DARS2: variants seen among roughly 807,000 people sequenced by gnomAD.
The protein encoded by DARS2 is aspartate--tRNA ligase, mitochondrial.
DARS2 carries 63 observed loss-of-function variants against 83.0 expected under a neutral mutation model. The observed-to-expected ratio is 0.76, with a 90% CI of 0.62 to 0.94. The LOEUF (loss-of-function observed/expected upper bound fraction) is 0.94, where lower values mean the gene tolerates loss of function less well. Among genes scored for constraint, DARS2 ranks in the 40% least tolerant of loss-of-function variants. DARS2 has a pLI of 0.00. For missense variants in DARS2, 675 were observed against 774.4 expected, an observed-to-expected ratio of 0.87 and a Z score of 1.52; for synonymous variants, 250 against 269.3, an observed-to-expected ratio of 0.93 and a Z score of 0.70.
chr1:173,828,309 CTT>C (rs143246542), intron 2 of DARS2, 22 bp from the exon 3 acceptor site: 12 of 1,501,036 alleles, frequency 8.0e-6, no homozygotes, highest in Non-Finnish European at 8.2e-6. Context: ...TAAAATGTTT[CTT>C]TTCCCCCCCC....
chr1:173,853,567 G>T lies in DARS2; in HGVS notation c.1563G>T (p.Lys521Asn), dbSNP rs941790069. Residue 521 changes from lysine to asparagine, a missense_variant and splice_region_variant, in exon 14 of 17, where the codon AAG becomes AAT. Coordinates refer to ENST00000649689, the MANE Select transcript of DARS2 (RefSeq NM_018122.5). ...ATCTCCTGTACACTGAGCCCAAAAA[G>T]GTACCGTATCTATACTTCCAAATCA... is the stretch of plus-strand genomic sequence containing the variant. Reference protein sequence around the residue: ...DIHLLYTEPKKARSQHYDLVL... With the variant: ...DIHLLYTEPKNARSQHYDLVL... 41 of 1,613,738 alleles carry T rather than the reference G, an allele frequency of 2.5e-5. No homozygotes were observed. The highest frequency in any genetic ancestry group is 3.1e-5 in the Non-Finnish European group (37 of 1,179,956).
intron 3 of DARS2, among the ~76,000 whole-genome samples, chr1:173,829,885 G>A (rs2102637709): frequency 6.6e-6 from 1 of 152,028 alleles, no homozygotes; most frequent in South Asian, 2.1e-4. Flanking sequence ...TCCAGCCTAG[G>A]CAACAGAGCA....
chr1:173,836,524 CAA>C (rs927024905), intron 7 of DARS2, among the ~76,000 whole-genome samples: 19 of 142,658 alleles, frequency 1.3e-4, no homozygotes, highest in African/African-American at 2.4e-4. Flanking sequence ...GCCTGGGTGA[CAA>C]GAGCAAGATT....
In DARS2 at chr1:173,825,225, C is replaced by T; in HGVS notation, c.-5C>T. ...GATTGTTTTTCGCCATCGTGTGGCT[C>T]CAACATGTACTTCCCTTCTTGGTTA... On this transcript the variant is annotated 5_prime_UTR_variant, in exon 1 of 17. Coordinates refer to ENST00000649689, the MANE Select transcript of DARS2 (RefSeq NM_018122.5). 1 of 1,611,660 alleles carries T rather than the reference C, an allele frequency of 6.2e-7. No individual in the cohort carries two copies. The highest frequency in any genetic ancestry group is 8.5e-7 in the Non-Finnish European group (1 of 1,178,486).
intron 2 of DARS2, among the ~76,000 whole-genome samples, chr1:173,827,633 GA>G (rs34923858): frequency 1.2e-3 from 174 of 144,686 alleles, no homozygotes; most frequent in African/African-American, 2.7e-3. Flanking sequence ...TCCGTCTCAG[GA>G]AAAAAAAAAA....
intron 9 of DARS2, among the ~76,000 whole-genome samples, chr1:173,839,015 G>A (rs1232337026): frequency 1.3e-5 from 2 of 152,196 alleles, no homozygotes; most frequent in Admixed American, 6.5e-5. Flanking sequence ...GTTTACAGGC[G>A]TGAGCCACCA....
Position 173,855,251 on chromosome 1 carries a change from G to A in DARS2, c.1674+1346G>A, listed in dbSNP as rs548046628. Among the ~76,000 whole-genome samples the A allele has an allele frequency of 1.7e-4, 26 of 151,874 alleles. No individual in the cohort carries two copies. In the South Asian group the frequency reaches 5.0e-3, roughly 29 times the overall value. ...CCTGAGTAGCTGGGATTACACGTGC[G>A]CACTAACACACCCGGCTATTTTGTA... is the stretch of plus-strand genomic sequence containing the variant. On this transcript the variant is annotated intron_variant, in intron 15 of 16. Transcript: ENST00000649689.
In DARS2 at chr1:173,836,446, G is replaced by A. The variant is rs555371223; in HGVS notation, c.664-494G>A. On this transcript the variant is annotated intron_variant, in intron 7 of 16. Coordinates refer to ENST00000649689, the MANE Select transcript of DARS2 (RefSeq NM_018122.5). ...TAATCCCAGCTACTCGGGAGGCTGA[G>A]GCAGGAGAATCACTTCAACCTGGGA... 2.1e-4 allele frequency among the ~76,000 whole-genome samples: 32 copies of A among 151,950 alleles called. No individual in the cohort carries two copies. In the South Asian group the frequency reaches 6.4e-3, roughly 31 times the overall value.
rs759030417 is a variant in DARS2 at position 173,857,710 on chromosome 1, T to C, written c.*5T>C. ...AAAGCAGAAAGAGCTCATTGAATCATGCATACCATGCAGAAAGTTGAGCTT... is the reference window on the plus strand; with the variant it reads ...AAAGCAGAAAGAGCTCATTGAATCACGCATACCATGCAGAAAGTTGAGCTT... On this transcript the variant is annotated 3_prime_UTR_variant, in exon 17 of 17. Transcript: ENST00000649689. The C allele has an allele frequency of 2.2e-5, 36 of 1,614,032 alleles. No individual in the cohort carries two copies. The South Asian group carries it at 3.5e-4, about 16-fold the overall frequency.
intron 11 of DARS2, among the ~76,000 whole-genome samples, chr1:173,844,936 G>A (rs1653375084): frequency 6.6e-6 from 1 of 151,062 alleles, no homozygotes; most frequent in African/African-American, 2.4e-5. Flanking sequence ...TGGGATTTCA[G>A]GCACCTGCCA....
In DARS2 at chr1:173,841,103, G is replaced by T. The variant is rs987977975; in HGVS notation, c.1128+130G>T. 4.7e-5 allele frequency: 33 copies of T among 706,854 alleles called. 1 individual carries two copies. Among genetic ancestry groups the T allele is most frequent in the Non-Finnish European group, 8.1e-5 (32 of 397,282 alleles). 43.8% of individuals were successfully genotyped at this position (706,854 alleles called of 1,614,324 possible). ...AAAAATAGGGATTTTTGCTGGGCATGGTGGCTCACACCTGTAATCCTAGCA... is the reference window on the plus strand; with the variant it reads ...AAAAATAGGGATTTTTGCTGGGCATTGTGGCTCACACCTGTAATCCTAGCA... On this transcript the variant is annotated intron_variant, in intron 11 of 16. Coordinates refer to ENST00000649689, the MANE Select transcript of DARS2 (RefSeq NM_018122.5).
At chr1:173,849,861 C>CTTTTTT (rs10558579) in intron 12 of DARS2, among the ~76,000 whole-genome samples, 2 of 109,954 alleles carry the variant, frequency 1.8e-5, no homozygotes, top group South Asian at 3.1e-4. Context: ...GTTGAAATGA[C>CTTTTTT]TTTTTTTTTT....
chr1:173,830,840 T>C (rs1652770040), intron 4 of DARS2, 79 bp downstream of exon 4: 1 of 1,042,142 alleles, frequency 9.6e-7, no homozygotes, highest in East Asian at 2.4e-5. Flanking sequence ...TGGCAACACA[T>C]GACTGGACAT....
In DARS2 at chr1:173,857,711, G is replaced by A. The variant is rs1249302028; in HGVS notation, c.*6G>A. 2 of 1,614,104 alleles carry A rather than the reference G, an allele frequency of 1.2e-6. No homozygotes were observed. Among genetic ancestry groups the A allele is most frequent in the Non-Finnish European group, 1.7e-6 (2 of 1,179,982 alleles). The stretch of plus-strand genomic sequence containing the variant: ...AAGCAGAAAGAGCTCATTGAATCAT[G>A]CATACCATGCAGAAAGTTGAGCTTT... On this transcript the variant is annotated 3_prime_UTR_variant, in exon 17 of 17. Coordinates refer to ENST00000649689, the MANE Select transcript of DARS2 (RefSeq NM_018122.5).
intron 7 of DARS2, among the ~76,000 whole-genome samples, chr1:173,835,001 C>T (rs1421348802): frequency 2.6e-5 from 4 of 151,588 alleles, no homozygotes; most frequent in Non-Finnish European, 4.4e-5. Flanking sequence ...AGGCTGGTCT[C>T]GAACACCTGA....
Position 173,844,669 on chromosome 1 carries a change from CAAAAAAAAAAAAAAAAAAAAAAAA to C in DARS2, c.1129-544_1129-521del, listed in dbSNP as rs549839808. Among the ~76,000 whole-genome samples the C allele has an allele frequency of 5.1e-3, 153 of 29,934 alleles. 6 individuals are homozygous for C. Among genetic ancestry groups the C allele is most frequent in the African/African-American group, 0.012 (145 of 12,560 alleles). The allele number at this position is 29,934 out of a possible 152,430, so 19.6% of individuals were successfully genotyped here. Reference sequence around the variant, plus strand: ...TGGGTGACAGAGCTAGACTCCATCGCAAAAAAAAAAAAAAAAAAAAAAAAAAAAAAAAAAAAAAATCTGCATAAC... The same window carrying C: ...TGGGTGACAGAGCTAGACTCCATCGCAAAAAAAAAAAAAAATCTGCATAAC... On this transcript the variant is annotated intron_variant, in intron 11 of 16. Transcript: ENST00000649689.
At chr1:173,834,744 T>TA in intron 7 of DARS2, among the ~76,000 whole-genome samples, 1 of 127,804 alleles carries the variant, frequency 7.8e-6, no homozygotes, top group African/African-American at 3.8e-5. Flanking sequence ...TTTTTTTTTT[T>TA]TTTTTTTTTT....
rs200858499 is a variant in DARS2 at position 173,857,746 on chromosome 1, T to C, written c.*41T>C. 2.3e-5 allele frequency: 37 copies of C among 1,609,302 alleles called. No homozygotes were observed. Among genetic ancestry groups the C allele is most frequent in the Non-Finnish European group, 3.0e-5 (35 of 1,176,000 alleles). On this transcript the variant is annotated 3_prime_UTR_variant, in exon 17 of 17. Transcript: ENST00000649689. ...CAGAAAGTTGAGCTTTTAGGTTTTG[T>C]CCTCTTTGCTTCCCCAAGGCTAAAG...
At chr1:173,843,802 G>A (rs1653320702) in intron 11 of DARS2, among the ~76,000 whole-genome samples, 1 of 152,210 alleles carries the variant, frequency 6.6e-6, no homozygotes, top group Non-Finnish European at 1.5e-5. Context: ...GTCCCTCGAT[G>A]CTAGAGGGCA....
Sources: allele counts gnomAD v4.1 joint callset (sites outside exome capture counted in the v4.1 genomes callset), GRCh38; gene constraint gnomAD v4.1.1; transcripts MANE v1.5; gene names NCBI Gene and HGNC (gene_info 2026-07-23, HGNC 2026-07-21).